The following ESCO1 variants were observed in gnomAD, a reference collection of about 807,000 sequenced individuals.
ESCO1 encodes N-acetyltransferase ESCO1.
Under a neutral mutation model 83.5 loss-of-function variants are expected in ESCO1, and 33 were observed. The observed-to-expected ratio is 0.40, with a 90% CI of 0.30 to 0.53. The LOEUF is 0.53. Among genes scored for constraint, ESCO1 ranks in the 20% least tolerant of loss-of-function variants. The pLI is 0.63. For missense variants in ESCO1, 855 were observed against 968.0 expected, an observed-to-expected ratio of 0.88 and a Z score of 1.55; for synonymous variants, 332 against 324.3, an observed-to-expected ratio of 1.02 and a Z score of -0.25.
intron 1 of ESCO1, among the ~76,000 whole-genome samples, chr18:21,588,144 C>T (rs1165156495): frequency 6.7e-6 from 1 of 150,328 alleles, no homozygotes; most frequent in Admixed American, 6.6e-5. Flanking sequence ...GTGGATTTGT[C>T]CTATCAGATA....
At position 21,532,625 on chromosome 18, in the gene ESCO1, G is replaced by A. The variant is rs1176352180; in HGVS notation, c.2223C>T (p.Ile741=). Reference sequence around the variant, plus strand: ...ATCTGACTTTTTCTTCTTCTGACCTGATAACTGGAAGTTTCTCTTCTATAA... The same window carrying A: ...ATCTGACTTTTTCTTCTTCTGACCTAATAACTGGAAGTTTCTCTTCTATAA... ...YRVIEEKLPV[I]RSEEEKVRFE... The change falls in exon 11 of 12, where the codon ATC becomes ATT. Residue 741 remains isoleucine (I), a synonymous_variant. Coordinates refer to ENST00000269214, the MANE Select transcript of ESCO1 (RefSeq NM_052911.3). The A allele has an allele frequency of 3.1e-6, 5 of 1,614,100 alleles. No homozygotes were observed. The highest frequency in any genetic ancestry group is 4.2e-6 in the Non-Finnish European group (5 of 1,180,002).
At chr18:21,585,174 G>A (rs1383306462) in intron 1 of ESCO1, among the ~76,000 whole-genome samples, 2 of 151,598 alleles carry the variant, frequency 1.3e-5, no homozygotes, top group African/African-American at 4.8e-5. Context: ...ACAACTGCAT[G>A]GTCACCATCT....
chr18:21,563,799 G>C (rs1055022238), intron 7 of ESCO1, among the ~76,000 whole-genome samples: 2 of 152,028 alleles, frequency 1.3e-5, no homozygotes, highest in Admixed American at 6.6e-5. Flanking sequence ...GGGGAAATTT[G>C]ATGTCCAATG....
At chr18:21,535,571 A>G (rs1359303979) in intron 10 of ESCO1, among the ~76,000 whole-genome samples, 1 of 152,056 alleles carries the variant, frequency 6.6e-6, no homozygotes, top group African/African-American at 2.4e-5. Flanking sequence ...TTCAGTAGAG[A>G]AAGGGTTTCA....
At chr18:21,545,042 G>A (rs1021694217) in intron 8 of ESCO1, among the ~76,000 whole-genome samples, 3 of 152,160 alleles carry the variant, frequency 2.0e-5, no homozygotes, top group Admixed American at 6.5e-5. Flanking sequence ...CTTCTTACAT[G>A]GGTGTGTTCA....
At chr18:21,547,517 G>A (rs1188385388) in intron 8 of ESCO1, among the ~76,000 whole-genome samples, 1 of 152,058 alleles carries the variant, frequency 6.6e-6, no homozygotes, top group Non-Finnish European at 1.5e-5. Flanking sequence ...GAAACATATA[G>A]TATACAAATG....
chr18:21,580,127 G>C (rs184586415), intron 2 of ESCO1, among the ~76,000 whole-genome samples: 7 of 151,874 alleles, frequency 4.6e-5, no homozygotes, highest in Non-Finnish European at 8.8e-5. Flanking sequence ...TCGAACTCCT[G>C]ACTTTAGGTA....
At chr18:21,536,009 C>A in intron 10 of ESCO1, 33 bp downstream of exon 10, 1 of 1,603,204 alleles carries the variant, frequency 6.2e-7, no homozygotes, top group Non-Finnish European at 8.5e-7. Flanking sequence ...CATTAAACAC[C>A]AAATTACTTA....
At chr18:21,592,449 C>T (rs1405493866) in intron 1 of ESCO1, among the ~76,000 whole-genome samples, 6 of 143,394 alleles carry the variant, frequency 4.2e-5, no homozygotes, top group African/African-American at 1.0e-4. Context: ...ACCTCCCTCC[C>T]GGATGGGGCG....
At chr18:21,557,457 C>T (rs2038127398) in intron 8 of ESCO1, among the ~76,000 whole-genome samples, 1 of 152,136 alleles carries the variant, frequency 6.6e-6, no homozygotes, top group Admixed American at 6.5e-5. Flanking sequence ...CCATTCTGAC[C>T]ACTTCTAAGT....
intron 8 of ESCO1, 54 bp from the exon 9 acceptor site, chr18:21,540,063 T>C: frequency 7.1e-7 from 1 of 1,414,106 alleles, no homozygotes; most frequent in South Asian, 1.4e-5. Flanking sequence ...ATTTTATGTA[T>C]ATTCTATTCA....
rs193124408 is a variant in ESCO1, at chr18:21,555,988, A to T, written c.1953+4871T>A. 2.0e-3 allele frequency among the ~76,000 whole-genome samples: 304 copies of T among 152,182 alleles called. 3 individuals are homozygous for T. Among genetic ancestry groups the T allele is most frequent in the Non-Finnish European group, 3.0e-3 (207 of 67,980 alleles). On this transcript the variant is annotated intron_variant, in intron 8 of 11. Transcript: ENST00000269214. ...AAATAAAACAGGGTGGGCGCAGTGG[A>T]TCACACCTATAATCCCAGCACTTTG...
At chr18:21,570,209 C>T (rs1236855893) in intron 4 of ESCO1, among the ~76,000 whole-genome samples, 4 of 152,130 alleles carry the variant, frequency 2.6e-5, no homozygotes, top group East Asian at 3.8e-4. Flanking sequence ...GAGGTCCTCC[C>T]GCCTCAGCCT....
intron 8 of ESCO1, among the ~76,000 whole-genome samples, chr18:21,550,352 T>C (rs945640516): frequency 6.6e-6 from 1 of 152,232 alleles, no homozygotes; most frequent in African/African-American, 2.4e-5. Context: ...ACTTCTACTA[T>C]AACATCTAAA....
intron 6 of ESCO1, among the ~76,000 whole-genome samples, chr18:21,565,091 A>C (rs1283610687): frequency 6.6e-6 from 1 of 152,072 alleles, no homozygotes; most frequent in Non-Finnish European, 1.5e-5. Flanking sequence ...TAATAATAAT[A>C]AAAATAAAGG....
At chr18:21,585,035 G>A (rs989800043) in intron 1 of ESCO1, among the ~76,000 whole-genome samples, 69 of 151,268 alleles carry the variant, frequency 4.6e-4, no homozygotes, top group African/African-American at 9.2e-4. Context: ...CCAGCTACTC[G>A]TGAGGCTGAG....
rs1378532767 is a variant in ESCO1 at position 21,574,613 on chromosome 18, A to C, written c.231T>G (p.Asp77Glu). The change falls in exon 4 of 12, where the codon GAT becomes GAG. Residue 77 changes from aspartate to glutamate, a missense_variant. Asp to Glu is a conservative substitution (Grantham distance 45). This residue lies in a region of ESCO1 where 726 missense variants were observed against 699.5 expected (regional missense o/e 1.04). Coordinates refer to ENST00000269214, the MANE Select transcript of ESCO1 (RefSeq NM_052911.3). ...TTTTATTAATGGATTTAGTAGCTTT[A>C]TCATTAGATGCTGCCTTTGATGACC... ...STRSSKAASN[D>E]KATKSINKNT... The C allele has an allele frequency of 1.2e-6, 2 of 1,613,972 alleles. No homozygotes were observed. The highest frequency in any genetic ancestry group is 1.7e-6 in the Non-Finnish European group (2 of 1,179,974).
chr18:21,591,758 G>A (rs578098431), intron 1 of ESCO1, among the ~76,000 whole-genome samples: 38 of 151,986 alleles, frequency 2.5e-4, no homozygotes, highest in African/African-American at 7.2e-4. Context: ...TGGAGGGAAG[G>A]TCAGCAGATA....
chr18:21,543,746 A>C (rs953802176), intron 8 of ESCO1, among the ~76,000 whole-genome samples: 2 of 152,204 alleles, frequency 1.3e-5, no homozygotes, highest in Non-Finnish European at 2.9e-5. Flanking sequence ...TCAAAAAATA[A>C]ACAAATATTA....
Sources: allele counts gnomAD v4.1 joint callset (sites outside exome capture counted in the v4.1 genomes callset), GRCh38; gene constraint gnomAD v4.1.1; regional missense constraint gnomAD v4.1.1; transcripts MANE v1.5; gene names NCBI Gene and HGNC (gene_info 2026-07-23, HGNC 2026-07-21).